MEGF11: variants seen among roughly 807,000 people sequenced by gnomAD.
The protein encoded by MEGF11 is multiple EGF like domains 11, also known as multiple epidermal growth factor-like domains protein 11.
A neutral mutation model predicts 146.6 loss-of-function variants in MEGF11; 126 were observed. The observed-to-expected ratio is 0.86, with a 90% CI of 0.74 to 1.00. The LOEUF (loss-of-function observed/expected upper bound fraction) is 1.00. Ranked by LOEUF, MEGF11 falls within the 50% of genes least tolerant of loss-of-function variation. The pLI is 0.00. For missense variants in MEGF11, 1,509 were observed against 1,521.2 expected (o/e 0.99, Z 0.13); for synonymous variants, 532 against 583.4 (o/e 0.91, Z 1.27).
chr15:66,026,281 T>C (rs76009643), intron 5 of MEGF11, among the ~76,000 whole-genome samples: 1 of 152,226 alleles, frequency 6.6e-6, no homozygotes, highest in African/African-American at 2.4e-5. Flanking sequence ...TGAGATTCTG[T>C]GTTGCTAACA....
chr15:66,073,398 A>C (rs2085451049), intron 5 of MEGF11, among the ~76,000 whole-genome samples: 1 of 151,862 alleles, frequency 6.6e-6, no homozygotes, highest in Non-Finnish European at 1.5e-5. Flanking sequence ...GGAACCCAGC[A>C]CTCCTAAGCT....
At position 66,122,647 on chromosome 15, in the gene MEGF11, G is replaced by A. The variant is rs150408727; in HGVS notation, c.200+1252C>T. 6.5e-4 allele frequency among the ~76,000 whole-genome samples: 99 copies of A among 152,260 alleles called. No individual in the cohort carries two copies. The Middle Eastern group carries it at 0.02, about 31-fold the overall frequency. ...AGTCTCTCACCCTTCAAATAGTGTC[G>A]CTTCACATGTGGCTAATATCTCACA... On this transcript the variant is annotated intron_variant, in intron 3 of 25. Coordinates refer to ENST00000395614, the MANE Select transcript of MEGF11 (RefSeq NM_001385028.1).
chr15:66,086,956 A>T (rs1440938199), intron 5 of MEGF11, among the ~76,000 whole-genome samples: 1 of 152,218 alleles, frequency 6.6e-6, no homozygotes, highest in Non-Finnish European at 1.5e-5. Flanking sequence ...AAGGACTCAC[A>T]TAAACTTAAA....
intron 1 of MEGF11, among the ~76,000 whole-genome samples, chr15:66,147,553 A>T (rs2089419609): frequency 6.6e-6 from 1 of 152,226 alleles, no homozygotes; most frequent in Admixed American, 6.5e-5. Context: ...AGGGGCACAC[A>T]TGCTGAGACC....
At chr15:66,211,088 C>G (rs969989094) in intron 1 of MEGF11, among the ~76,000 whole-genome samples, 1 of 152,200 alleles carries the variant, frequency 6.6e-6, no homozygotes, top group Non-Finnish European at 1.5e-5. Flanking sequence ...AAAGACCACT[C>G]CAAGGTGCAC....
intron 19 of MEGF11, 38 bp downstream of exon 19, chr15:65,915,432 T>A (rs1371346413): frequency 6.2e-7 from 1 of 1,606,400 alleles, no homozygotes; most frequent in East Asian, 2.2e-5. Flanking sequence ...CATGGGGCCC[T>A]TTCCACAGAC....
chr15:66,185,444 G>A (rs1355267522), intron 1 of MEGF11, among the ~76,000 whole-genome samples: 1 of 151,924 alleles, frequency 6.6e-6, no homozygotes, highest in Non-Finnish European at 1.5e-5. Context: ...TGCTGTGTTT[G>A]GATATAATCA....
intron 10 of MEGF11, among the ~76,000 whole-genome samples, chr15:65,932,669 T>A (rs888876680): frequency 3.3e-5 from 5 of 151,888 alleles, no homozygotes; most frequent in African/African-American, 9.7e-5. Context: ...GAGTCTAGAA[T>A]GCCAGGGGAG....
rs545911978 is a variant in MEGF11, at chr15:66,153,303, G to A, written c.-8-24892C>T. Among the ~76,000 whole-genome samples, 5 of 152,248 alleles carry A rather than the reference G, an allele frequency of 3.3e-5. No individual in the cohort carries two copies. The East Asian group carries it at 7.7e-4, about 24-fold the overall frequency. On this transcript the variant is annotated intron_variant, in intron 1 of 25. Coordinates refer to ENST00000395614, the MANE Select transcript of MEGF11 (RefSeq NM_001385028.1). The stretch of plus-strand genomic sequence containing the variant: ...AAGAAAGCAGTTCTGGGCCAGGCGC[G>A]GTGGCTCACACCTGTAATCCCAGCA...
At chr15:65,976,993 C>T (rs2081471651) in intron 7 of MEGF11, among the ~76,000 whole-genome samples, 1 of 151,922 alleles carries the variant, frequency 6.6e-6, no homozygotes, top group Non-Finnish European at 1.5e-5. Flanking sequence ...CACGGTGAAA[C>T]CCCGTCTCTA....
At chr15:66,152,870 C>G (rs984114338) in intron 1 of MEGF11, among the ~76,000 whole-genome samples, 1 of 152,204 alleles carries the variant, frequency 6.6e-6, no homozygotes, top group African/African-American at 2.4e-5. Flanking sequence ...GGGAGGGTAT[C>G]CAGGCTGAAG....
chr15:66,001,457 A>C (rs765581933), intron 5 of MEGF11, among the ~76,000 whole-genome samples: 3 of 152,134 alleles, frequency 2.0e-5, no homozygotes, highest in Non-Finnish European at 2.9e-5. Flanking sequence ...GTCACAGCCA[A>C]GCATCGGGTT....
At chr15:66,127,948 T>C (rs1783376480) in intron 2 of MEGF11, among the ~76,000 whole-genome samples, 1 of 152,208 alleles carries the variant, frequency 6.6e-6, no homozygotes, top group African/African-American at 2.4e-5. Context: ...TCAGAGAGCA[T>C]GCCACCTGGG....
At chr15:66,114,540 A>T (rs550903380) in intron 4 of MEGF11, among the ~76,000 whole-genome samples, 1 of 152,254 alleles carries the variant, frequency 6.6e-6, no homozygotes, top group African/African-American at 2.4e-5. Context: ...AAAATGCCTC[A>T]AACTCTACTA....
chr15:66,178,144 C>T (rs912439316), intron 1 of MEGF11, among the ~76,000 whole-genome samples: 16 of 152,206 alleles, frequency 1.1e-4, no homozygotes, highest in East Asian at 1.9e-4. Flanking sequence ...GCTAACCATG[C>T]GCTGCTAATT....
In MEGF11 at chr15:65,898,903, A is replaced by G. The variant is rs1337410547; in HGVS notation, c.3087T>C (p.Ser1029=). ...TTTCACTGCTATTCAAGGAACAAGT[A>G]CTAGAACTGCACACGGATTCTTTCA... The part of the protein sequence containing the change: ...DYMKESVCSS[S]TCSLNSSENP... Residue 1029 remains serine (S), a synonymous_variant, in exon 25 of 26, where the codon AGT becomes AGC. Coordinates refer to ENST00000395614, the MANE Select transcript of MEGF11 (RefSeq NM_001385028.1). 6.2e-7 allele frequency: 1 copy of G among 1,613,866 alleles called. No individual in the cohort carries two copies. The highest frequency in any genetic ancestry group is 1.7e-5 in the Admixed American group (1 of 60,010).
At chr15:66,052,352 T>TATG (rs898467869) in intron 5 of MEGF11, among the ~76,000 whole-genome samples, 9 of 152,138 alleles carry the variant, frequency 5.9e-5, no homozygotes, top group African/African-American at 1.9e-4. Context: ...GTTACTCTGG[T>TATG]ATGGGCCACA....
At chr15:66,109,198 C>G (rs1320992449) in intron 4 of MEGF11, among the ~76,000 whole-genome samples, 1 of 152,154 alleles carries the variant, frequency 6.6e-6, no homozygotes, top group Non-Finnish European at 1.5e-5. Context: ...ATGGCTCACC[C>G]ATCCCTGCAC....
intron 4 of MEGF11, among the ~76,000 whole-genome samples, chr15:66,110,465 G>A (rs1300209933): frequency 2.0e-5 from 3 of 152,310 alleles, no homozygotes; most frequent in Non-Finnish European, 4.4e-5. Flanking sequence ...TCTGTCGGGG[G>A]TGGACGGGCA....
Sources: gnomAD v4.1 joint callset for allele counts (sites outside exome capture counted in the v4.1 genomes callset) on GRCh38, gnomAD v4.1.1 for gene constraint, MANE v1.5 for transcripts, NCBI Gene and HGNC (gene_info 2026-07-23, HGNC 2026-07-21) for gene names.